Variants in ADAMTS12 observed in about 807,000 individuals in gnomAD.
ADAMTS12 encodes the protein A disintegrin and metalloproteinase with thrombospondin motifs 12.
Under a neutral mutation model 167.8 loss-of-function variants are expected in ADAMTS12, and 118 were observed. The observed-to-expected ratio is 0.70, with a 90% CI of 0.61 to 0.82. ADAMTS12 has a LOEUF of 0.82. ADAMTS12 is among the 40% of genes least tolerant of loss of function. The pLI, the probability that ADAMTS12 is intolerant of heterozygous loss-of-function variation, is 0.00. For missense variants in ADAMTS12, 1,916 were observed against 1,998.8 expected, an observed-to-expected ratio of 0.96 and a Z score of 0.79; for synonymous variants, 704 against 716.9, an observed-to-expected ratio of 0.98 and a Z score of 0.29.
intron 2 of ADAMTS12, among the ~76,000 whole-genome samples, chr5:33,823,238 A>G (rs959405590): frequency 1.3e-4 from 20 of 152,220 alleles, no homozygotes; most frequent in Admixed American, 5.9e-4. Context: ...GGCAAGCTCA[A>G]TTGCCTTCAG....
intron 23 of ADAMTS12, among the ~76,000 whole-genome samples, chr5:33,527,629 G>A (rs754594259): frequency 2.6e-5 from 4 of 152,168 alleles, no homozygotes; most frequent in Non-Finnish European, 5.9e-5. Context: ...TGGCTGCCTA[G>A]TGGGTGGAGA....
chr5:33,679,541 G>C lies in ADAMTS12; in HGVS notation c.915+3477C>G, dbSNP rs573816929. Among the ~76,000 whole-genome samples, 16 of 152,232 alleles carry C rather than the reference G, an allele frequency of 1.1e-4. No homozygotes were observed. In the South Asian group the frequency reaches 3.3e-3, roughly 32 times the overall value. ...CTCTCACTGTCACAAGAACAGCATG[G>C]GGGAAACCACCTCCATGTTTCAATT... On this transcript the variant is annotated intron_variant, in intron 5 of 23. Transcript: ENST00000504830.
intron 6 of ADAMTS12, 119 bp downstream of exon 6, chr5:33,661,793 ACTGT>A: frequency 7.3e-7 from 1 of 1,374,296 alleles, no homozygotes; most frequent in East Asian, 2.3e-5. Flanking sequence ...GATCAAAGAC[ACTGT>A]CTTTACAAGA....
intron 3 of ADAMTS12, among the ~76,000 whole-genome samples, chr5:33,721,607 C>A (rs1338856477): frequency 1.3e-5 from 2 of 152,208 alleles, no homozygotes; most frequent in Non-Finnish European, 2.9e-5. Flanking sequence ...CCTGCTAGTG[C>A]ATACAAAATG....
At chr5:33,618,200 A>G (rs1309757941) in intron 14 of ADAMTS12, among the ~76,000 whole-genome samples, 2 of 152,242 alleles carry the variant, frequency 1.3e-5, no homozygotes, top group Non-Finnish European at 2.9e-5. Context: ...TGTATTTACT[A>G]TTCATTAAGC....
intron 2 of ADAMTS12, among the ~76,000 whole-genome samples, chr5:33,819,515 T>A (rs1489397063): frequency 6.6e-6 from 1 of 152,184 alleles, no homozygotes. Context: ...GCCTCCAACT[T>A]TGTTTATCTT....
chr5:33,739,969 A>C (rs1271341658), intron 3 of ADAMTS12, among the ~76,000 whole-genome samples: 1 of 152,226 alleles, frequency 6.6e-6, no homozygotes, highest in African/African-American at 2.4e-5. Flanking sequence ...GTGAATAAAG[A>C]ATGTCAAGAT....
intron 17 of ADAMTS12, among the ~76,000 whole-genome samples, 183 bp downstream of exon 17, chr5:33,595,751 A>G (rs903012718): frequency 3.9e-5 from 6 of 152,240 alleles, no homozygotes; most frequent in Non-Finnish European, 7.3e-5. Context: ...TCTTGGGAGA[A>G]TATGTCCTCA....
intron 16 of ADAMTS12, among the ~76,000 whole-genome samples, chr5:33,602,930 T>C (rs6861273): frequency 0.021 from 3,229 of 152,326 alleles, 42 homozygotes; most frequent in African/African-American, 0.049. Flanking sequence ...ATATTTGCTT[T>C]TCCTACCAGC....
At chr5:33,772,227 C>G (rs1350892687) in intron 2 of ADAMTS12, among the ~76,000 whole-genome samples, 2 of 152,082 alleles carry the variant, frequency 1.3e-5, no homozygotes, top group East Asian at 3.9e-4. Context: ...TTCCCTTGCA[C>G]AAGAGCTACC....
At chr5:33,831,489 A>T (rs1371733605) in intron 2 of ADAMTS12, among the ~76,000 whole-genome samples, 3 of 152,234 alleles carry the variant, frequency 2.0e-5, no homozygotes, top group African/African-American at 7.2e-5. Context: ...CCCAAATAGT[A>T]GTCTGGCTTC....
intron 7 of ADAMTS12, among the ~76,000 whole-genome samples, chr5:33,651,858 C>A (rs1231824044): frequency 6.6e-6 from 1 of 152,146 alleles, no homozygotes; most frequent in Non-Finnish European, 1.5e-5. Flanking sequence ...TATACATACT[C>A]ATTGTTTAGC....
chr5:33,665,654 T>C (rs1488488132), intron 5 of ADAMTS12, among the ~76,000 whole-genome samples: 1 of 152,158 alleles, frequency 6.6e-6, no homozygotes, highest in Non-Finnish European at 1.5e-5. Flanking sequence ...ACCACAGATG[T>C]TGTGCCAAAC....
chr5:33,866,274 C>G (rs550182925), intron 2 of ADAMTS12, among the ~76,000 whole-genome samples: 4 of 151,882 alleles, frequency 2.6e-5, no homozygotes, highest in Non-Finnish European at 5.9e-5. Context: ...AATAGAGAAC[C>G]CAGAAATAAA....
chr5:33,702,177 C>A (rs1433026263), intron 3 of ADAMTS12, among the ~76,000 whole-genome samples: 2 of 152,150 alleles, frequency 1.3e-5, no homozygotes, highest in Non-Finnish European at 2.9e-5. Flanking sequence ...AAAGTCATTC[C>A]TCTTCCTAGA....
intron 2 of ADAMTS12, among the ~76,000 whole-genome samples, chr5:33,853,492 TA>T (rs1347967888): frequency 1.9e-4 from 29 of 152,198 alleles, no homozygotes; most frequent in African/African-American, 6.5e-4. Context: ...CAGCAGAGAA[TA>T]GGGGAGCAGA....
At chr5:33,819,349 T>C (rs1296068876) in intron 2 of ADAMTS12, among the ~76,000 whole-genome samples, 1 of 152,156 alleles carries the variant, frequency 6.6e-6, no homozygotes, top group Non-Finnish European at 1.5e-5. Context: ...TTTTTCATTG[T>C]GTCCTCTTGA....
chr5:33,809,085 T>C (rs1407271931), intron 2 of ADAMTS12, among the ~76,000 whole-genome samples: 1 of 152,236 alleles, frequency 6.6e-6, no homozygotes, highest in Admixed American at 6.5e-5. Flanking sequence ...AAGCTCTCTT[T>C]TGTTCTTTGC....
chr5:33,766,453 C>A (rs1480211761), intron 2 of ADAMTS12, among the ~76,000 whole-genome samples: 1 of 151,934 alleles, frequency 6.6e-6, no homozygotes, highest in Non-Finnish European at 1.5e-5. Context: ...ATTCCTAGAA[C>A]AGAAAAAAAT....
Sources: allele counts gnomAD v4.1 joint callset (sites outside exome capture counted in the v4.1 genomes callset), GRCh38; gene constraint gnomAD v4.1.1; transcripts MANE v1.5; gene names NCBI Gene and HGNC (gene_info 2026-07-23, HGNC 2026-07-21).